Variants in MTMR3 observed in about 807,000 individuals in gnomAD.
MTMR3 encodes the protein phosphatidylinositol-3,5-bisphosphate 3-phosphatase MTMR3.
Under a neutral mutation model 132.4 loss-of-function variants are expected in MTMR3, and 32 were observed. The ratio of observed to expected loss-of-function variants is 0.24; its 90% CI spans 0.18 to 0.32. The LOEUF (loss-of-function observed/expected upper bound fraction) is 0.32, where lower values mean the gene tolerates loss of function less well. MTMR3 is among the 10% of genes least tolerant of loss of function. The pLI, the probability that MTMR3 is intolerant of heterozygous loss-of-function variation, is 1.00. For synonymous variants in MTMR3, 556 were observed against 550.3 expected, an observed-to-expected ratio of 1.01 and a Z score of -0.14; for missense variants, 1,216 against 1,489.6, an observed-to-expected ratio of 0.82 and a Z score of 3.02.
chr22:29,991,474 T>G lies in MTMR3; in HGVS notation c.294-30T>G, dbSNP rs1259198927. The stretch of plus-strand genomic sequence containing the variant: ...CATTTCATTTCAACTGTCTTCTGAT[T>G]ACATCCATACTTGTTTGGCTTTACA... On this transcript the variant is annotated intron_variant, in intron 6 of 19. Transcript: ENST00000401950. The G allele has an allele frequency of 1.9e-6, 3 of 1,579,978 alleles. No individual in the cohort carries two copies. The South Asian group carries it at 3.5e-5, about 18-fold the overall frequency.
At chr22:29,897,008 T>C (rs2064915022) in intron 1 of MTMR3, among the ~76,000 whole-genome samples, 2 of 152,056 alleles carry the variant, frequency 1.3e-5, no homozygotes, top group South Asian at 4.1e-4. Flanking sequence ...TTAAAAAATT[T>C]AGAAAAATAT....
At chr22:29,920,137 C>G (rs1188805737) in intron 1 of MTMR3, among the ~76,000 whole-genome samples, 1 of 151,466 alleles carries the variant, frequency 6.6e-6, no homozygotes, top group African/African-American at 2.4e-5. Flanking sequence ...TCGCTTGAAC[C>G]TGGGAGGCAG....
intron 2 of MTMR3, among the ~76,000 whole-genome samples, chr22:29,963,452 C>T (rs145807339): frequency 1.4e-5 from 2 of 144,980 alleles, no homozygotes; most frequent in Non-Finnish European, 3.0e-5. Context: ...GGCAATGGTG[C>T]GATCTCGGCT....
At chr22:29,998,909 A>G (rs2067114434) in intron 8 of MTMR3, 52 bp downstream of exon 8, 2 of 1,229,736 alleles carry the variant, frequency 1.6e-6, no homozygotes, top group Non-Finnish European at 2.3e-6. Flanking sequence ...CCTTTGCAGA[A>G]ACCGCAATTC....
intron 6 of MTMR3, 82 bp downstream of exon 6, chr22:29,988,644 T>C: frequency 9.9e-7 from 1 of 1,005,964 alleles, no homozygotes; most frequent in Middle Eastern, 2.6e-4. Context: ...GGTAACTTAG[T>C]AAAATACCTT....
intron 9 of MTMR3, chr22:30,005,581 A>G (rs540060198): frequency 2.8e-4 from 43 of 152,240 alleles, no homozygotes; most frequent in Admixed American, 2.4e-3. Context: ...TTTTATTTCT[A>G]TTTTGGCCCC....
At chr22:29,954,059 C>CTTTCT (rs2066135937) in intron 1 of MTMR3, among the ~76,000 whole-genome samples, 1 of 79,426 alleles carries the variant, frequency 1.3e-5, no homozygotes, top group Admixed American at 1.9e-4. Flanking sequence ...TCAAATGAGT[C>CTTTCT]TTTTTTTTTT....
chr22:30,012,225 AACAC>A, intron 12 of MTMR3, 139 bp from the exon 13 acceptor site: 1 of 817,874 alleles, frequency 1.2e-6, no homozygotes, highest in Non-Finnish European at 1.9e-6. Flanking sequence ...ATGCTTTATA[AACAC>A]ACAGATTTTT....
intron 1 of MTMR3, among the ~76,000 whole-genome samples, chr22:29,893,196 T>C (rs1446382500): frequency 6.6e-6 from 1 of 152,198 alleles, no homozygotes; most frequent in Non-Finnish European, 1.5e-5. Context: ...GTAGTGAGAT[T>C]GTTCCTTCAT....
At chr22:29,902,461 G>T (rs1258448030) in intron 1 of MTMR3, among the ~76,000 whole-genome samples, 2 of 147,748 alleles carry the variant, frequency 1.4e-5, no homozygotes, top group Non-Finnish European at 3.0e-5. Flanking sequence ...AGGCTGGAGT[G>T]CAGTGGCGCG....
intron 1 of MTMR3, among the ~76,000 whole-genome samples, chr22:29,921,225 G>A (rs1045237702): frequency 1.3e-5 from 2 of 152,164 alleles, no homozygotes; most frequent in African/African-American, 4.8e-5. Context: ...AGGGGGAACA[G>A]GCGTGTCATG....
rs79993511 is a variant in MTMR3, at chr22:29,961,531, A to G, written c.-85+4443A>G. Among the ~76,000 whole-genome samples, 1,266 of 152,246 alleles carry G rather than the reference A, an allele frequency of 8.3e-3. 14 individuals are homozygous for G. Among genetic ancestry groups the G allele is most frequent in the African/African-American group, 0.029 (1,194 of 41,540 alleles). ...TTGTACACTCATGTGCCACATAATG[A>G]TGTTTTGGTTAGCAACAGACCCAAG... On this transcript the variant is annotated intron_variant, in intron 2 of 19. Transcript: ENST00000401950.
At chr22:29,894,368 C>T (rs190400539) in intron 1 of MTMR3, among the ~76,000 whole-genome samples, 4 of 152,186 alleles carry the variant, frequency 2.6e-5, no homozygotes, top group Non-Finnish European at 4.4e-5. Context: ...CACAATTAAA[C>T]CCAAGAGGAC....
intron 1 of MTMR3, among the ~76,000 whole-genome samples, chr22:29,905,943 T>C (rs2065085201): frequency 6.6e-6 from 1 of 152,220 alleles, no homozygotes; most frequent in Non-Finnish European, 1.5e-5. Context: ...TCATTATATA[T>C]CCTTCTACTG....
chr22:30,007,667 G>T, intron 10 of MTMR3: 1 of 575,776 alleles, frequency 1.7e-6, no homozygotes, highest in Non-Finnish European at 3.0e-6. Context: ...AGACTGGGCT[G>T]TGTGAACCCC....
intron 7 of MTMR3, chr22:29,996,057 A>C (rs1421959238): frequency 6.6e-6 from 1 of 152,230 alleles, no homozygotes; most frequent in Non-Finnish European, 1.5e-5. Flanking sequence ...CTAGCTATTC[A>C]AGAGGCTGAG....
chr22:29,897,265 CAG>C (rs1443802032), intron 1 of MTMR3, among the ~76,000 whole-genome samples: 1 of 151,702 alleles, frequency 6.6e-6, no homozygotes, highest in Non-Finnish European at 1.5e-5. Context: ...TTAGTAGAGA[CAG>C]GGTTTCACCA....
Position 30,002,916 on chromosome 22 carries a change from T to C in MTMR3, c.594T>C (p.Pro198=). The change falls in exon 9 of 20, where the codon CCT becomes CCC. Residue 198 remains proline, a synonymous_variant. Transcript: ENST00000401950. The part of the protein sequence containing the change: ...CGSYPQELIV[P]AWITDKELES... ...GCTATCCTCAAGAGCTCATAGTGCC[T>C]GCCTGGATCACTGACAAAGAACTGG... 1 of 1,614,096 alleles carries C rather than the reference T, an allele frequency of 6.2e-7. No homozygotes were observed. The highest frequency in any genetic ancestry group is 8.5e-7 in the Non-Finnish European group (1 of 1,179,966).
intron 4 of MTMR3, 80 bp downstream of exon 4, chr22:29,978,611 G>T (rs532193358): frequency 9.7e-6 from 10 of 1,027,622 alleles, no homozygotes; most frequent in South Asian, 1.5e-5. Flanking sequence ...TAAGTGTAAC[G>T]TACTATATTA....
Sources: gnomAD v4.1 joint callset for allele counts (sites outside exome capture counted in the v4.1 genomes callset) on GRCh38, gnomAD v4.1.1 for gene constraint, MANE v1.5 for transcripts, NCBI Gene and HGNC (gene_info 2026-07-23, HGNC 2026-07-21) for gene names.